The following PDE3A variants were observed in gnomAD, a reference collection of about 807,000 sequenced individuals.
The protein encoded by PDE3A is phosphodiesterase 3A.
Under a neutral mutation model 98.3 loss-of-function variants are expected in PDE3A, and 43 were observed. The observed-to-expected ratio is 0.44, with a 90% CI of 0.34 to 0.56. The LOEUF (loss-of-function observed/expected upper bound fraction) is 0.56, where lower values mean the gene tolerates loss of function less well. Ranked by LOEUF, PDE3A falls within the 20% of genes least tolerant of loss-of-function variation. The pLI, the probability that PDE3A is intolerant of heterozygous loss-of-function variation, is 0.01. For missense variants in PDE3A, 1,427 were observed against 1,440.7 expected (o/e 0.99, Z 0.15); for synonymous variants, 663 against 567.9 (o/e 1.17, Z -2.38).
chr12:20,457,022 C>G (rs1283327166), intron 1 of PDE3A, among the ~76,000 whole-genome samples: 2 of 152,000 alleles, frequency 1.3e-5, no homozygotes, highest in Non-Finnish European at 2.9e-5. Flanking sequence ...TTTATACAGT[C>G]AAATCAAACA....
chr12:20,404,826 GTTTTT>G (rs60736941), intron 1 of PDE3A, among the ~76,000 whole-genome samples: 3 of 95,106 alleles, frequency 3.2e-5, no homozygotes, highest in African/African-American at 1.2e-4. Flanking sequence ...AGGTTACAGA[GTTTTT>G]TTTTTTTTTT....
In PDE3A at chr12:20,687,381, G is replaced by A. The variant is rs1389642375; in HGVS notation, c.*7110G>A. ...TACCATATCTATATATTACCTGTTA[G>A]TGAGGTTTTAATGGCTTTACTTAAT... On this transcript the variant is annotated 3_prime_UTR_variant, in exon 16 of 16. Coordinates refer to ENST00000359062, the MANE Select transcript of PDE3A (RefSeq NM_000921.5). Among the ~76,000 whole-genome samples, 2 of 151,956 alleles carry A rather than the reference G, an allele frequency of 1.3e-5. No individual in the cohort carries two copies. Among genetic ancestry groups the A allele is most frequent in the Non-Finnish European group, 2.9e-5 (2 of 67,930 alleles).
chr12:20,539,058 G>A (rs746577243), intron 1 of PDE3A, among the ~76,000 whole-genome samples: 1 of 151,828 alleles, frequency 6.6e-6, no homozygotes, highest in Non-Finnish European at 1.5e-5. Flanking sequence ...GATCCATAAG[G>A]TTTCTGCTAT....
intron 5 of PDE3A, among the ~76,000 whole-genome samples, chr12:20,623,929 A>G (rs1944199170): frequency 1.3e-5 from 2 of 152,174 alleles, no homozygotes; most frequent in Admixed American, 6.6e-5. Flanking sequence ...TTAAATTCAT[A>G]AATAATAGTA....
At chr12:20,546,426 G>A (rs1942060181) in intron 1 of PDE3A, among the ~76,000 whole-genome samples, 1 of 151,892 alleles carries the variant, frequency 6.6e-6, no homozygotes, top group Admixed American at 6.6e-5. Context: ...GCTGAGACTG[G>A]CCTAAACTAT....
chr12:20,636,357 T>G (rs1944514459), intron 8 of PDE3A, among the ~76,000 whole-genome samples: 1 of 152,174 alleles, frequency 6.6e-6, no homozygotes, highest in Non-Finnish European at 1.5e-5. Flanking sequence ...TATTTACTGT[T>G]TGTATTTCTA....
chr12:20,384,154 C>G (rs1943706422), intron 1 of PDE3A, among the ~76,000 whole-genome samples: 1 of 148,108 alleles, frequency 6.8e-6, no homozygotes, highest in Admixed American at 6.8e-5. Context: ...ATCTTTATTT[C>G]TTGCTTTAAA....
intron 2 of PDE3A, among the ~76,000 whole-genome samples, chr12:20,609,171 A>G (rs1943787129): frequency 6.6e-6 from 1 of 152,080 alleles, no homozygotes; most frequent in African/African-American, 2.4e-5. Flanking sequence ...AGAAAACCAC[A>G]ACAATTCTAC....
chr12:20,595,482 C>T (rs1943443636), intron 2 of PDE3A, among the ~76,000 whole-genome samples: 1 of 152,038 alleles, frequency 6.6e-6, no homozygotes, highest in Non-Finnish European at 1.5e-5. Flanking sequence ...TGTCTTTGGA[C>T]CTATTTGTCT....
At chr12:20,393,833 T>G (rs1396010629) in intron 1 of PDE3A, among the ~76,000 whole-genome samples, 1 of 151,978 alleles carries the variant, frequency 6.6e-6, no homozygotes. Context: ...ACAAGGGTGA[T>G]TATCACATGG....
intron 13 of PDE3A, 105 bp from the exon 14 acceptor site, chr12:20,650,340 A>G (rs984730599): frequency 4.5e-5 from 26 of 583,194 alleles, no homozygotes; most frequent in Non-Finnish European, 6.4e-5. Context: ...TGGTATTATG[A>G]TCCCTATATA....
At chr12:20,652,820 A>G (rs972101417) in intron 14 of PDE3A, among the ~76,000 whole-genome samples, 1 of 152,236 alleles carries the variant, frequency 6.6e-6, no homozygotes, top group Non-Finnish European at 1.5e-5. Flanking sequence ...ACCAAAATTG[A>G]CAAATGGGGA....
chr12:20,552,740 G>A lies in PDE3A; in HGVS notation c.961-3920G>A. On this transcript the variant is annotated intron_variant, in intron 1 of 15. Coordinates refer to ENST00000359062, the MANE Select transcript of PDE3A (RefSeq NM_000921.5). This position sits in a 1 kb window ranked among gnomAD's most constrained non-coding sequence, Gnocchi z 5.1. ...GAGGTCCTGGCGTCACTCAAGGACCGGCCGGCGAGCGGCAGCCCGTTCCAG... is the reference window on the plus strand; with the variant it reads ...GAGGTCCTGGCGTCACTCAAGGACCAGCCGGCGAGCGGCAGCCCGTTCCAG... 1 of 1,614,068 alleles carries A rather than the reference G, an allele frequency of 6.2e-7. No individual in the cohort carries two copies. Among genetic ancestry groups the A allele is most frequent in the Non-Finnish European group, 8.5e-7 (1 of 1,179,914 alleles).
At chr12:20,402,872 T>G (rs1944158650) in intron 1 of PDE3A, among the ~76,000 whole-genome samples, 1 of 152,148 alleles carries the variant, frequency 6.6e-6, no homozygotes, top group Admixed American at 6.5e-5. Context: ...GTTAAATGCA[T>G]TATAATGGGT....
chr12:20,405,004 G>T (rs1282050606), intron 1 of PDE3A, among the ~76,000 whole-genome samples: 1 of 151,932 alleles, frequency 6.6e-6, no homozygotes, highest in Non-Finnish European at 1.5e-5. Context: ...TATTTTGACA[G>T]ACTGCTTTAT....
At chr12:20,621,712 A>G (rs1028745804) in intron 5 of PDE3A, among the ~76,000 whole-genome samples, 1 of 152,154 alleles carries the variant, frequency 6.6e-6, no homozygotes, top group African/African-American at 2.4e-5. Context: ...GCATCATCTC[A>G]TAATAGAAAT....
chr12:20,380,808 A>C, intron 1 of PDE3A, among the ~76,000 whole-genome samples: 1 of 151,942 alleles, frequency 6.6e-6, no homozygotes, highest in East Asian at 1.9e-4. Context: ...CATTTGAAAA[A>C]ACATATTACA....
intron 1 of PDE3A, among the ~76,000 whole-genome samples, chr12:20,482,015 C>T (rs1945639416): frequency 1.3e-5 from 2 of 151,932 alleles, no homozygotes; most frequent in Non-Finnish European, 2.9e-5. Flanking sequence ...CCACCTGCCT[C>T]GGCCTCCCAA....
intron 1 of PDE3A, among the ~76,000 whole-genome samples, chr12:20,531,900 T>A (rs1016967180): frequency 2.6e-5 from 4 of 151,620 alleles, no homozygotes; most frequent in Non-Finnish European, 5.9e-5. Flanking sequence ...TTCCATCTCA[T>A]AAACTTCTAT....
Sources: allele counts gnomAD v4.1 joint callset (sites outside exome capture counted in the v4.1 genomes callset), GRCh38; gene constraint gnomAD v4.1.1; non-coding constraint Gnocchi (gnomAD v3.1); transcripts MANE v1.5; gene names NCBI Gene and HGNC (gene_info 2026-07-23, HGNC 2026-07-21).